Variants in UBA6 observed in about 807,000 individuals in gnomAD.
The protein encoded by UBA6 is ubiquitin like modifier activating enzyme 6, also known as ubiquitin-like modifier-activating enzyme 6.
UBA6 carries 87 observed loss-of-function variants against 148.3 expected under a neutral mutation model. The ratio of observed to expected loss-of-function variants is 0.59; its 90% confidence interval spans 0.49 to 0.70. UBA6 has a LOEUF of 0.70. UBA6 is among the 30% of genes least tolerant of loss of function. UBA6 has a pLI of 0.00. For synonymous variants in UBA6, 376 were observed against 401.0 expected, an observed-to-expected ratio of 0.94 and a Z score of 0.75; for missense variants, 1,186 against 1,241.2, an observed-to-expected ratio of 0.96 and a Z score of 0.67.
intron 8 of UBA6, among the ~76,000 whole-genome samples, chr4:67,669,864 C>A (rs1730097509): frequency 6.6e-6 from 1 of 152,172 alleles, no homozygotes; most frequent in Non-Finnish European, 1.5e-5. Context: ...AATCACAATT[C>A]ATGACCCACA....
intron 16 of UBA6, among the ~76,000 whole-genome samples, chr4:67,645,170 C>T (rs1729393998): frequency 6.6e-6 from 1 of 151,954 alleles, no homozygotes; most frequent in Non-Finnish European, 1.5e-5. Context: ...ATTTTCAAAA[C>T]ATTATTTTAA....
chr4:67,686,952 TAAAAAAA>T (rs546442640), intron 2 of UBA6, among the ~76,000 whole-genome samples: 7 of 57,188 alleles, frequency 1.2e-4, no homozygotes, highest in East Asian at 6.4e-4. Flanking sequence ...ATCCTGTCTC[TAAAAAAA>T]AAAAAAAAAA....
At chr4:67,686,486 A>G (rs1056850298) in intron 2 of UBA6, among the ~76,000 whole-genome samples, 14 of 152,288 alleles carry the variant, frequency 9.2e-5, no homozygotes, top group African/African-American at 3.4e-4. Flanking sequence ...AGATCATAAT[A>G]ACAACAACTT....
At chr4:67,627,872 T>C (rs1007188969) in intron 27 of UBA6, among the ~76,000 whole-genome samples, 1 of 151,412 alleles carries the variant, frequency 6.6e-6, no homozygotes, top group African/African-American at 2.4e-5. Flanking sequence ...GAAAAAAAAG[T>C]TTTCAAACTT....
intron 13 of UBA6, among the ~76,000 whole-genome samples, chr4:67,654,187 C>A (rs1231735305): frequency 1.3e-5 from 2 of 152,038 alleles, no homozygotes; most frequent in African/African-American, 2.4e-5. Flanking sequence ...ATACAGAGAA[C>A]AACACAAAGA....
At chr4:67,663,516 A>G in intron 11 of UBA6, 1 of 350,242 alleles carries the variant, frequency 2.9e-6, no homozygotes, top group Non-Finnish European at 5.1e-6. Flanking sequence ...AAAAAAAAAT[A>G]GAATACATAC....
At chr4:67,666,215 G>A (rs937830050) in intron 9 of UBA6, among the ~76,000 whole-genome samples, 7 of 151,950 alleles carry the variant, frequency 4.6e-5, no homozygotes, top group Non-Finnish European at 4.4e-5. Context: ...AACATGGTCC[G>A]ATAACATTTT....
At chr4:67,674,945 A>T (rs1730241481) in intron 6 of UBA6, among the ~76,000 whole-genome samples, 1 of 152,080 alleles carries the variant, frequency 6.6e-6, no homozygotes, top group South Asian at 2.1e-4. Context: ...GCTCACTGCA[A>T]AACAACCTCT....
intron 1 of UBA6, among the ~76,000 whole-genome samples, chr4:67,698,214 C>A (rs996186841): frequency 2.0e-5 from 3 of 152,170 alleles, no homozygotes; most frequent in African/African-American, 7.2e-5. Context: ...TTCCTGATCA[C>A]CCTATCAATA....
chr4:67,634,039 T>C (rs935916673), intron 22 of UBA6, among the ~76,000 whole-genome samples: 5 of 152,086 alleles, frequency 3.3e-5, no homozygotes, highest in African/African-American at 1.2e-4. Context: ...GAGTCGAACA[T>C]GCTCAAATAT....
chr4:67,651,915 GTATA>G (rs1263106007), intron 13 of UBA6, among the ~76,000 whole-genome samples: 1 of 152,118 alleles, frequency 6.6e-6, no homozygotes, highest in African/African-American at 2.4e-5. Flanking sequence ...ACTTTGTGCA[GTATA>G]TAAAGACAAA....
At chr4:67,676,666 C>G (rs1412524003) in intron 6 of UBA6, among the ~76,000 whole-genome samples, 1 of 152,176 alleles carries the variant, frequency 6.6e-6, no homozygotes, top group African/African-American at 2.4e-5. Flanking sequence ...CTGTGACAGG[C>G]AACTCCTGTC....
intron 27 of UBA6, 60 bp from the exon 28 acceptor site, chr4:67,626,537 C>T: frequency 9.6e-7 from 1 of 1,038,406 alleles, no homozygotes; most frequent in Admixed American, 2.4e-5. Flanking sequence ...GTTTGGTTAC[C>T]ATTTAACTGT....
intron 2 of UBA6, among the ~76,000 whole-genome samples, chr4:67,690,644 G>A (rs1039778526): frequency 6.6e-6 from 1 of 152,078 alleles, no homozygotes; most frequent in African/African-American, 2.4e-5. Context: ...AGTTTGAATA[G>A]ATCTTTCTCC....
Position 67,619,079 on chromosome 4 carries a change from A to T in UBA6, c.3077T>A (p.Val1026Glu). ...TTEKKYVDLTVSFAPDIDGDE... is the reference protein window; with the variant it reads ...TTEKKYVDLTESFAPDIDGDE... ...TCCATCAATGTCTGGAGCAAATGAC[A>T]CAGTAAGATCCACATATTTCTTTTC... Residue 1026 changes from valine to glutamate, a missense_variant, in exon 33 of 33, where the codon GTG (valine) becomes GAG (glutamate). Transcript: ENST00000322244. 1 of 1,612,414 alleles carries T rather than the reference A, an allele frequency of 6.2e-7. No homozygotes were observed. The highest frequency in any genetic ancestry group is 8.5e-7 in the Non-Finnish European group (1 of 1,178,492).
Position 67,641,168 on chromosome 4 carries a change from G to A in UBA6, c.1537C>T (p.Arg513Cys), listed in dbSNP as rs765964034. Residue 513 changes from arginine to cysteine, a missense_variant, in exon 18 of 33, where the codon CGT (arginine) becomes TGT (cysteine). Physicochemically the swap from Arg to Cys is radical, Grantham distance 180. Coordinates refer to ENST00000322244, the MANE Select transcript of UBA6 (RefSeq NM_018227.6). ...CAACATACCTGTATGTGATGAGGACGAAATAGGAACTGTCTATTTAAGTTG... is the reference window on the plus strand; with the variant it reads ...CAACATACCTGTATGTGATGAGGACAAAATAGGAACTGTCTATTTAAGTTG... ...KSNLNRQFLF[R>C]PHHIQKPKSY... 7.5e-6 allele frequency: 12 copies of A among 1,595,582 alleles called. No homozygotes were observed. Among genetic ancestry groups the A allele is most frequent in the South Asian group, 1.1e-5 (1 of 88,018 alleles).
At chr4:67,693,685 T>C (rs965898619) in intron 2 of UBA6, among the ~76,000 whole-genome samples, 2 of 152,176 alleles carry the variant, frequency 1.3e-5, no homozygotes, top group African/African-American at 4.8e-5. Flanking sequence ...GGACTTGTAC[T>C]ATGAGACAAA....
chr4:67,659,364 G>T (rs147352530), intron 13 of UBA6, among the ~76,000 whole-genome samples: 1 of 152,170 alleles, frequency 6.6e-6, no homozygotes. Flanking sequence ...CCAGGTGGAA[G>T]TAACTGGATG....
At chr4:67,654,882 G>A in intron 13 of UBA6, among the ~76,000 whole-genome samples, 1 of 148,540 alleles carries the variant, frequency 6.7e-6, no homozygotes. Context: ...AAAAAAGCAA[G>A]GGTTGCAATC....
Sources: gnomAD v4.1 joint callset for allele counts (sites outside exome capture counted in the v4.1 genomes callset) on GRCh38, gnomAD v4.1.1 for gene constraint, MANE v1.5 for transcripts, NCBI Gene and HGNC (gene_info 2026-07-23, HGNC 2026-07-21) for gene names.